Variants in KIR3DL2 observed in about 807,000 individuals in gnomAD.
KIR3DL2 encodes killer cell immunoglobulin like receptor, three Ig domains and long cytoplasmic tail 2.
A neutral mutation model predicts 41.6 loss-of-function variants in KIR3DL2; 42 were observed. The observed-to-expected ratio is 1.01, with a 90% confidence interval of 0.79 to 1.31. KIR3DL2 has a LOEUF of 1.31. Ranked by LOEUF, KIR3DL2 falls within the 50% of genes most tolerant of loss-of-function variation. The pLI is 0.00. For missense variants in KIR3DL2, 728 were observed against 576.8 expected (o/e 1.26, Z -2.68); for synonymous variants, 230 against 221.3 (o/e 1.04, Z -0.35).
intron 6 of KIR3DL2, among the ~76,000 whole-genome samples, chr19:54,863,688 C>A (rs975884103): frequency 1.1e-4 from 17 of 152,014 alleles, no homozygotes; most frequent in African/African-American, 4.1e-4. Context: ...CCTTTGCCCA[C>A]TTTTTGATAG....
At chr19:54,860,928 G>A (rs1484327356) in intron 6 of KIR3DL2, among the ~76,000 whole-genome samples, 5 of 137,984 alleles carry the variant, frequency 3.6e-5, no homozygotes, top group African/African-American at 7.9e-5. Context: ...GTAGAGAGAC[G>A]GAGAGCACAC....
At position 54,865,894 on chromosome 19, in the gene KIR3DL2, T is replaced by A. The variant is rs1238936581; in HGVS notation, c.1090T>A (p.Cys364Ser). 4 of 1,612,940 alleles carry A rather than the reference T, an allele frequency of 2.5e-6. No homozygotes were observed. The highest frequency in any genetic ancestry group is 3.4e-6 in the Non-Finnish European group (4 of 1,179,300). The change falls in exon 7 of 9, where the codon TGC (cysteine) becomes AGC (serine). Residue 364 changes from cysteine (C) to serine (S), a missense_variant. Coordinates refer to ENST00000326321, the MANE Select transcript of KIR3DL2 (RefSeq NM_006737.4). The stretch of plus-strand genomic sequence containing the variant: ...CCTCTTCTTTCTCCTTTATCGCTGG[T>A]GCTCCAACAAAAAGAGTAAGTCTCA... Reference protein sequence around the residue: ...LLLFFLLYRWCSNKKNAAVMD... With the variant: ...LLLFFLLYRWSSNKKNAAVMD...
chr19:54,864,522 T>G (rs2065376978), intron 6 of KIR3DL2, among the ~76,000 whole-genome samples: 1 of 152,096 alleles, frequency 6.6e-6, no homozygotes, highest in Non-Finnish European at 1.5e-5. Flanking sequence ...TTGTATCCTC[T>G]TTTATTTCAT....
At position 54,859,674 on chromosome 19, in the gene KIR3DL2, G is replaced by T. The variant is rs768852614; in HGVS notation, c.1000+545G>T. Reference sequence around the variant, plus strand: ...CAGTGTGGAAGCTTTTCCTATTGTTGCCATAACAAATTTCCACAAGATTCG... The same window carrying T: ...CAGTGTGGAAGCTTTTCCTATTGTTTCCATAACAAATTTCCACAAGATTCG... On this transcript the variant is annotated intron_variant, in intron 6 of 8. Transcript: ENST00000326321. Among the ~76,000 whole-genome samples, 59 of 151,800 alleles carry T rather than the reference G, an allele frequency of 3.9e-4. 1 individual carries two copies. The highest frequency in any genetic ancestry group is 7.5e-4 in the Non-Finnish European group (51 of 67,858).
chr19:54,859,755 G>T (rs1390768721), intron 6 of KIR3DL2, among the ~76,000 whole-genome samples: 2 of 151,962 alleles, frequency 1.3e-5, no homozygotes, highest in African/African-American at 4.8e-5. Context: ...CTCAAAGCAT[G>T]ACGTGCATGT....
At position 54,859,091 on chromosome 19, in the gene KIR3DL2, G is replaced by A. The variant is rs956551274; in HGVS notation, c.962G>A (p.Ser321Asn). 3,102 of 1,613,542 alleles carry A rather than the reference G, an allele frequency of 1.9e-3. 17 individuals carry two copies. The highest frequency in any genetic ancestry group is 2.4e-3 in the Non-Finnish European group (2,877 of 1,179,602). ...TCCCGTGTTCTAGGAAACCCTTCAAGTAGTTGGCCTTCACCCACAGAACCA... is the reference window on the plus strand; with the variant it reads ...TCCCGTGTTCTAGGAAACCCTTCAAATAGTTGGCCTTCACCCACAGAACCA... ...LLVSVTGNPS[S>N]SWPSPTEPSS... The change falls in exon 6 of 9, where the codon AGT becomes AAT. Residue 321 changes from serine to asparagine, a missense_variant. Ser to Asn is a conservative substitution (Grantham distance 46, BLOSUM62 1). Transcript: ENST00000326321.
chr19:54,857,401 T>G (rs1431626257), intron 5 of KIR3DL2, among the ~76,000 whole-genome samples: 1 of 151,192 alleles, frequency 6.6e-6, no homozygotes, highest in Non-Finnish European at 1.5e-5. Flanking sequence ...TCCTTTTAGT[T>G]TTTTAAAGAT....
At chr19:54,858,154 G>A (rs2145651830) in intron 5 of KIR3DL2, among the ~76,000 whole-genome samples, 1 of 151,322 alleles carries the variant, frequency 6.6e-6, no homozygotes, top group Non-Finnish European at 1.5e-5. Context: ...TTGGTTTGAT[G>A]TAATCCTAAT....
At chr19:54,866,467 A>G (rs1195012183) in intron 8 of KIR3DL2, 45 bp downstream of exon 8, 1 of 1,613,914 alleles carries the variant, frequency 6.2e-7, no homozygotes, top group Non-Finnish European at 8.5e-7. Context: ...TCTTATCCCT[A>G]ATAGTCCTGA....
chr19:54,855,520 A>G (rs1242293373), intron 4 of KIR3DL2, 99 bp from the exon 5 acceptor site: 5 of 1,478,092 alleles, frequency 3.4e-6, no homozygotes, highest in Admixed American at 4.4e-5. Context: ...GAGAGAGAGC[A>G]TTAGGTCATA....
intron 7 of KIR3DL2, 69 bp from the exon 8 acceptor site, chr19:54,866,301 G>C: frequency 1.3e-6 from 2 of 1,543,750 alleles, no homozygotes; most frequent in Non-Finnish European, 1.8e-6. Context: ...CTGTGGGTTG[G>C]TGTCTGCCCA....
Position 54,854,025 on chromosome 19 carries a change from C to T in KIR3DL2, c.634C>T (p.Pro212Ser). 5.0e-6 allele frequency: 8 copies of T among 1,613,030 alleles called. No individual in the cohort carries two copies. Among genetic ancestry groups the T allele is most frequent in the Non-Finnish European group, 5.9e-6 (7 of 1,179,608 alleles). The change falls in exon 4 of 9, where the codon CCC (proline) becomes TCC (serine). Residue 212 changes from proline (P) to serine (S), a missense_variant. Coordinates refer to ENST00000326321, the MANE Select transcript of KIR3DL2 (RefSeq NM_006737.4). ...SPYQLSAPSD[P>S]LDIVITGLYE... is the part of the protein sequence containing the mutation. ...CTATCAGTTGTCAGCTCCCAGTGAC[C>T]CCCTGGACATCGTGATCACAGGTGA...
intron 3 of KIR3DL2, 142 bp downstream of exon 3, chr19:54,852,424 G>T (rs1374441612): frequency 7.6e-6 from 8 of 1,055,500 alleles, no homozygotes; most frequent in Admixed American, 5.0e-5. Flanking sequence ...GGAAATGGGT[G>T]CTGTGGTGGG....
In KIR3DL2 at chr19:54,852,073, G is replaced by A. The variant is rs1406784085; in HGVS notation, c.146G>A (p.Cys49Tyr). 1.2e-6 allele frequency: 2 copies of A among 1,612,620 alleles called. No individual in the cohort carries two copies. Among genetic ancestry groups the A allele is most frequent in the Admixed American group, 3.3e-5 (2 of 59,980 alleles). The change falls in exon 3 of 9, where the codon TGT (cysteine) becomes TAT (tyrosine). Residue 49 changes from cysteine to tyrosine, a missense_variant. Coordinates refer to ENST00000326321, the MANE Select transcript of KIR3DL2 (RefSeq NM_006737.4). ...CGAGGAGGACACGTGGCTCTTCAGT[G>A]TCACTATCGTCGTGGGTTTAACAAT... ...VPRGGHVALQ[C>Y]HYRRGFNNFM...
intron 3 of KIR3DL2, 104 bp downstream of exon 3, chr19:54,852,386 TTTGGGGTCAAGGGAGA>T: frequency 3.4e-6 from 5 of 1,481,348 alleles, no homozygotes; most frequent in Non-Finnish European, 4.6e-6. Context: ...CCCAACTGTA[TTTGGGGTCAAGGGAGA>T]TTGAATACAG....
chr19:54,865,921 G>C lies in KIR3DL2; in HGVS notation c.1105+12G>C. The C allele has an allele frequency of 6.2e-7, 1 of 1,603,986 alleles. No homozygotes were observed. The highest frequency in any genetic ancestry group is 8.5e-7 in the Non-Finnish European group (1 of 1,171,694). On this transcript the variant is annotated intron_variant, in intron 7 of 8. Transcript: ENST00000326321. ...CTCCAACAAAAAGAGTAAGTCTCAC[G>C]AAGCAGAGGCCAGAGAGCTCAGGGC...
chr19:54,851,131 C>T, intron 1 of KIR3DL2, 89 bp from the exon 2 acceptor site: 1 of 1,525,040 alleles, frequency 6.6e-7, no homozygotes, highest in African/African-American at 1.4e-5. Flanking sequence ...CAGCAAGGGC[C>T]TGGCTGCCAA....
chr19:54,863,717 T>C (rs2065329230), intron 6 of KIR3DL2, among the ~76,000 whole-genome samples: 1 of 152,086 alleles, frequency 6.6e-6, no homozygotes, highest in African/African-American at 2.4e-5. Flanking sequence ...GTTTTTTTCT[T>C]GTAAATTTGT....
At chr19:54,858,499 C>T (rs1365760502) in intron 5 of KIR3DL2, among the ~76,000 whole-genome samples, 2 of 150,130 alleles carry the variant, frequency 1.3e-5, no homozygotes, top group African/African-American at 2.5e-5. Context: ...GAGGCCGAGG[C>T]GGGTGGATCA....
Sources: gnomAD v4.1 joint callset for allele counts (sites outside exome capture counted in the v4.1 genomes callset) on GRCh38, gnomAD v4.1.1 for gene constraint, MANE v1.5 for transcripts, NCBI Gene and HGNC (gene_info 2026-07-23, HGNC 2026-07-21) for gene names.